The following ZMYM1 variants were observed in gnomAD, a reference collection of about 807,000 sequenced individuals.
ZMYM1 encodes the protein zinc finger MYM-type protein 1.
In ZMYM1, 39 loss-of-function variants were observed where a neutral mutation model predicts 60.0. That is an observed-to-expected ratio of 0.65 (90% CI 0.50 to 0.85). The LOEUF is 0.85. Ranked by LOEUF, ZMYM1 falls within the 40% of genes least tolerant of loss-of-function variation. The pLI is 0.00. For synonymous variants in ZMYM1, 413 were observed against 454.0 expected, an observed-to-expected ratio of 0.91 and a Z score of 1.15; for missense variants, 1,171 against 1,309.5, an observed-to-expected ratio of 0.89 and a Z score of 1.63.
intron 1 of ZMYM1, among the ~76,000 whole-genome samples, chr1:35,080,368 T>C (rs1193880166): frequency 6.7e-6 from 1 of 149,218 alleles, no homozygotes; most frequent in African/African-American, 2.5e-5. Context: ...CCAGGCTGAG[T>C]GCAGTGACAC....
At chr1:35,109,154 T>C (rs969761833) in intron 6 of ZMYM1, among the ~76,000 whole-genome samples, 3 of 152,042 alleles carry the variant, frequency 2.0e-5, no homozygotes, top group Non-Finnish European at 4.4e-5. Context: ...CACAAGTAAA[T>C]GGGACTACAG....
Position 35,113,919 on chromosome 1 carries a change from A to G in ZMYM1, c.2089A>G (p.Ile697Val). ...EMTGTHLHRT[I>V]KTYLQQIGVD... is the part of the protein sequence containing the mutation. ...GACTGGGACCCACTTACATAGGACT[A>G]TCAAAACTTATCTGCAGCAAATTGG... is the stretch of plus-strand genomic sequence containing the variant. Residue 697 changes from isoleucine to valine, a missense_variant, in exon 10 of 10, where the codon ATC becomes GTC. Physicochemically the swap from Ile to Val is conservative, Grantham distance 29. Coordinates refer to ENST00000359858, the MANE Select transcript of ZMYM1 (RefSeq NM_024772.5). The G allele has an allele frequency of 1.2e-6, 2 of 1,613,974 alleles. No homozygotes were observed. Among genetic ancestry groups the G allele is most frequent in the Non-Finnish European group, 1.7e-6 (2 of 1,179,906 alleles).
chr1:35,066,688 T>C (rs908588597), intron 1 of ZMYM1, among the ~76,000 whole-genome samples: 1 of 152,132 alleles, frequency 6.6e-6, no homozygotes, highest in African/African-American at 2.4e-5. Flanking sequence ...CACTGATTCT[T>C]CCCAAATTGA....
Position 35,064,063 on chromosome 1 carries a change from C to A in ZMYM1, c.-301+4138C>A, listed in dbSNP as rs867210836. On this transcript the variant is annotated intron_variant, in intron 1 of 10. Coordinates refer to the ZMYM1 transcript ENST00000417119. ...AGTTTCAGCCGGGCACAGTGGCTCA[C>A]GCCTGTAATCCCAGCACTTTGGGAG... 1.2e-4 allele frequency among the ~76,000 whole-genome samples: 18 copies of A among 152,236 alleles called. No homozygotes were observed. In the South Asian group the frequency reaches 3.3e-3, roughly 28 times the overall value.
intron 6 of ZMYM1, among the ~76,000 whole-genome samples, chr1:35,105,035 T>G (rs1169726729): frequency 6.6e-6 from 1 of 151,936 alleles, no homozygotes; most frequent in Non-Finnish European, 1.5e-5. Context: ...TAGAAATAAG[T>G]ATAGCAAAAA....
chr1:35,090,902 C>T (rs1261830994), intron 1 of ZMYM1, among the ~76,000 whole-genome samples: 8 of 151,738 alleles, frequency 5.3e-5, no homozygotes, highest in African/African-American at 9.7e-5. Flanking sequence ...GCTGAGATCG[C>T]GCCATTGCAC....
chr1:35,069,741 T>C (rs1276400587), intron 1 of ZMYM1, among the ~76,000 whole-genome samples: 7 of 152,242 alleles, frequency 4.6e-5, no homozygotes, highest in African/African-American at 1.7e-4. Context: ...AAGTCTTTAA[T>C]TCATTTTGAA....
At chr1:35,062,578 G>A (rs939256052) in intron 1 of ZMYM1, among the ~76,000 whole-genome samples, 2 of 152,242 alleles carry the variant, frequency 1.3e-5, no homozygotes, top group African/African-American at 4.8e-5. Flanking sequence ...GCACAGGTTT[G>A]TAATCCTAAA....
chr1:35,095,364 T>C (rs1432098081), intron 2 of ZMYM1, among the ~76,000 whole-genome samples: 1 of 151,732 alleles, frequency 6.6e-6, no homozygotes, highest in Non-Finnish European at 1.5e-5. Flanking sequence ...CATGGAGGCA[T>C]GTGCCTGTAG....
At chr1:35,117,833 G>A (rs180787887), downstream of ZMYM1, among the ~76,000 whole-genome samples, 48 of 151,940 alleles carry the variant, frequency 3.2e-4, no homozygotes, top group African/African-American at 1.1e-3. Context: ...CCAGCTACTC[G>A]GGAGGCTGAG....
At chr1:35,092,557 TCTTTTCTTTTC>T in intron 1 of ZMYM1, among the ~76,000 whole-genome samples, 1 of 150,770 alleles carries the variant, frequency 6.6e-6, no homozygotes, top group South Asian at 2.1e-4. Flanking sequence ...TCTTTTCTTT[TCTTTTCTTTTC>T]CTTTTCTTTC....
intron 1 of ZMYM1, among the ~76,000 whole-genome samples, chr1:35,082,751 G>T (rs920032704): frequency 6.6e-6 from 1 of 151,386 alleles, no homozygotes; most frequent in Non-Finnish European, 1.5e-5. Flanking sequence ...AGGCTGAGGC[G>T]GGTGGATCAC....
Position 35,097,193 on chromosome 1 carries a change from G to A in ZMYM1, c.170-124G>A. 4.7e-6 allele frequency: 5 copies of A among 1,071,002 alleles called. No homozygotes were observed. The South Asian group carries it at 6.3e-5, about 14-fold the overall frequency. The allele number at this position is 1,071,002 out of a possible 1,614,324, so 66.3% of individuals were successfully genotyped here. A position where few individuals can be genotyped will look rare whatever the true frequency, so the allele number is the denominator to read the frequency against. On this transcript the variant is annotated intron_variant, in intron 3 of 9. Transcript: ENST00000359858. ...CATGATCGTATCACTACACTGCCTA[G>A]AGTGCAAAAGAGGGCAACAGAACAA...
chr1:35,072,136 A>AAAAAT (rs1454586751), intron 1 of ZMYM1, among the ~76,000 whole-genome samples: 3 of 152,192 alleles, frequency 2.0e-5, no homozygotes, highest in Admixed American at 1.3e-4. Context: ...CTCCATGTCA[A>AAAAAT]AAAATAAAAT....
At chr1:35,112,512 A>G (rs1209235826) in intron 9 of ZMYM1, among the ~76,000 whole-genome samples, 1 of 145,728 alleles carries the variant, frequency 6.9e-6, no homozygotes, top group Non-Finnish European at 1.5e-5. Context: ...TATATACTAT[A>G]ATATATAAAA....
At chr1:35,116,507 G>C (rs879636115), downstream of ZMYM1, among the ~76,000 whole-genome samples, 5 of 152,330 alleles carry the variant, frequency 3.3e-5, no homozygotes, top group South Asian at 4.1e-4. Flanking sequence ...GCCCAGACTG[G>C]AGTGCAATGG....
chr1:35,104,414 C>T lies in ZMYM1; in HGVS notation c.539C>T (p.Thr180Ile). 6.2e-7 allele frequency: 1 copy of T among 1,612,694 alleles called. No homozygotes were observed. Among genetic ancestry groups the T allele is most frequent in the Non-Finnish European group, 8.5e-7 (1 of 1,179,542 alleles). The change falls in exon 5 of 10, where the codon ACC becomes ATC. Residue 180 changes from threonine to isoleucine, a missense_variant. By Grantham distance (89) the Thr-to-Ile change is moderately conservative. Transcript: ENST00000359858. ...SYEEKRKPFVTICTNSILTKC... is the reference protein window; with the variant it reads ...SYEEKRKPFVIICTNSILTKC... ...GAAGAAAAAAGAAAACCATTTGTTA[C>T]CATATGTACTAATAGCATTTTGACC...
chr1:35,103,132 A>G (rs1464848164), intron 4 of ZMYM1, among the ~76,000 whole-genome samples: 1 of 152,188 alleles, frequency 6.6e-6, no homozygotes, highest in Non-Finnish European at 1.5e-5. Context: ...TTGTATACCA[A>G]GAAATTAACC....
In ZMYM1 at chr1:35,110,376, G is replaced by C; in HGVS notation, c.890G>C (p.Gly297Ala). ...DEMIETTSDLGKTELFCSINC... is the reference protein window; with the variant it reads ...DEMIETTSDLAKTELFCSINC... ...ATGATTGAGACTACGAGTGATTTGG[G>C]GAAGACAGAGCTTTTCTGCTCTATT... Residue 297 changes from glycine (G) to alanine (A), a missense_variant, in exon 7 of 10, where the codon GGG becomes GCG. Coordinates refer to ENST00000359858, the MANE Select transcript of ZMYM1 (RefSeq NM_024772.5). The C allele has an allele frequency of 6.3e-7, 1 of 1,595,426 alleles. No individual in the cohort carries two copies. The highest frequency in any genetic ancestry group is 1.8e-5 in the Admixed American group (1 of 57,070).
Sources: allele counts gnomAD v4.1 joint callset (sites outside exome capture counted in the v4.1 genomes callset), GRCh38; gene constraint gnomAD v4.1.1; transcripts MANE v1.5; gene names NCBI Gene and HGNC (gene_info 2026-07-23, HGNC 2026-07-21).